Variants in ATP10D observed in about 807,000 individuals in gnomAD.
The protein encoded by ATP10D is ATPase phospholipid transporting 10D (putative), also known as phospholipid-transporting ATPase VD.
Under a neutral mutation model 144.8 loss-of-function variants are expected in ATP10D, and 89 were observed. The ratio of observed to expected loss-of-function variants is 0.61; its 90% CI spans 0.52 to 0.73. The LOEUF (loss-of-function observed/expected upper bound fraction) is 0.73. Among genes scored for constraint, ATP10D ranks in the 30% least tolerant of loss-of-function variants. The pLI, the probability that ATP10D is intolerant of heterozygous loss-of-function variation, is 0.00. For synonymous variants in ATP10D, 571 were observed against 615.1 expected (o/e 0.93, Z 1.06); for missense variants, 1,603 against 1,714.8 (o/e 0.93, Z 1.15).
Position 47,558,085 on chromosome 4 carries a change from C to T in ATP10D, c.2246C>T (p.Pro749Leu). 1 of 1,614,198 alleles carries T rather than the reference C, an allele frequency of 6.2e-7. No individual in the cohort carries two copies. Among genetic ancestry groups the T allele is most frequent in the Non-Finnish European group, 8.5e-7 (1 of 1,180,030 alleles). ...AYQCTLRSRT[P>L]EQVMVDFAAL... ...CAATGCACTTTACGGTCTCGGACACCAGAGCAGGTCATGGTGGACTTTGCT... is the reference window on the plus strand; with the variant it reads ...CAATGCACTTTACGGTCTCGGACACTAGAGCAGGTCATGGTGGACTTTGCT... Residue 749 changes from proline (P) to leucine (L), a missense_variant, in exon 12 of 23, where the codon CCA becomes CTA. Physicochemically the swap from Pro to Leu is moderately conservative, Grantham distance 98 (BLOSUM62 -3). Transcript: ENST00000273859.
intron 15 of ATP10D, among the ~76,000 whole-genome samples, chr4:47,567,913 C>T (rs1016615232): frequency 3.3e-5 from 5 of 152,194 alleles, no homozygotes; most frequent in African/African-American, 9.6e-5. Context: ...AGCTCTTTCA[C>T]GAATAAACTA....
chr4:47,520,788 C>A (rs897956943), intron 3 of ATP10D, among the ~76,000 whole-genome samples: 1 of 152,116 alleles, frequency 6.6e-6, no homozygotes, highest in African/African-American at 2.4e-5. Context: ...AGAATGGTCT[C>A]AATCTTCTGA....
chr4:47,570,990 C>T (rs1288021680), intron 16 of ATP10D, among the ~76,000 whole-genome samples: 2 of 152,034 alleles, frequency 1.3e-5, no homozygotes, highest in African/African-American at 4.8e-5. Context: ...CTCTGGACTG[C>T]TTCCAGTCTC....
intron 9 of ATP10D, 104 bp from the exon 10 acceptor site, chr4:47,546,520 G>T: frequency 1.9e-6 from 2 of 1,031,824 alleles, no homozygotes; most frequent in Non-Finnish European, 3.0e-6. Context: ...AGGTTTGAAA[G>T]GGGAGGAGAT....
At chr4:47,491,952 A>G (rs149921167) in intron 1 of ATP10D, among the ~76,000 whole-genome samples, 2 of 152,272 alleles carry the variant, frequency 1.3e-5, no homozygotes, top group African/African-American at 4.8e-5. Flanking sequence ...GGGCTAGTTT[A>G]TTCATTCCCA....
chr4:47,580,481 G>A lies in ATP10D; in HGVS notation c.3648+3G>A. ...TCTGCTTCTTTGTGCCTTATTTTGT[G>A]AGTCTTTGTTCACTCAGTATATTTG... On this transcript the variant is annotated splice_donor_region_variant and intron_variant, in intron 20 of 22. Transcript: ENST00000273859. 6.2e-7 allele frequency: 1 copy of A among 1,607,850 alleles called. No homozygotes were observed. Among genetic ancestry groups the A allele is most frequent in the Non-Finnish European group, 8.5e-7 (1 of 1,174,492 alleles).
At chr4:47,509,965 TGTG>T (rs1716234255) in intron 1 of ATP10D, among the ~76,000 whole-genome samples, 1 of 151,392 alleles carries the variant, frequency 6.6e-6, no homozygotes, top group Non-Finnish European at 1.5e-5. Flanking sequence ...TGTGTGTGTG[TGTG>T]TGTGTGTGTG....
Position 47,580,433 on chromosome 4 carries a change from G to A in ATP10D, c.3603G>A (p.Leu1201=). Residue 1201 remains leucine, a synonymous_variant, in exon 20 of 23, where the codon TTG becomes TTA. Coordinates refer to ENST00000273859, the MANE Select transcript of ATP10D (RefSeq NM_020453.4). ...YLPHTFWITL[L]DAFYQSLVCF... ...CCCATACCTTCTGGATCACCTTATT[G>A]GATGCTTTTTATCAAAGCCTGGTCT... The A allele has an allele frequency of 6.2e-7, 1 of 1,613,602 alleles. No homozygotes were observed. Among genetic ancestry groups the A allele is most frequent in the Non-Finnish European group, 8.5e-7 (1 of 1,179,754 alleles).
chr4:47,565,145 A>G (rs1291741597), intron 15 of ATP10D, among the ~76,000 whole-genome samples: 1 of 152,088 alleles, frequency 6.6e-6, no homozygotes, highest in Non-Finnish European at 1.5e-5. Flanking sequence ...TATTTTTAGT[A>G]GAGACGGGGT....
At chr4:47,581,889 G>T in intron 20 of ATP10D, 71 bp from the exon 21 acceptor site, 1 of 1,214,602 alleles carries the variant, frequency 8.2e-7, no homozygotes, top group South Asian at 1.2e-5. Flanking sequence ...TGGTTGAGCT[G>T]TAGATAAAGT....
At position 47,535,832 on chromosome 4, in the gene ATP10D, T is replaced by C. The variant is rs866994068; in HGVS notation, c.884-70T>C. The C allele has an allele frequency of 5.0e-5, 75 of 1,511,118 alleles. 1 individual carries two copies. The Middle Eastern group carries it at 2.8e-3, about 56-fold the overall frequency. 93.6% of individuals were successfully genotyped at this position (1,511,118 alleles called of 1,614,324 possible). A position where few individuals can be genotyped will look rare whatever the true frequency, so the allele number is the denominator to read the frequency against. On this transcript the variant is annotated intron_variant, in intron 6 of 22. Transcript: ENST00000273859. ...TTTATTAAATTGTCTGCAAGAGAGA[T>C]TTTTAAATATGGTATTCGCTTCTTG...
intron 14 of ATP10D, among the ~76,000 whole-genome samples, chr4:47,562,905 T>G (rs1460605687): frequency 6.6e-6 from 1 of 152,040 alleles, no homozygotes; most frequent in Non-Finnish European, 1.5e-5. Flanking sequence ...AGAATGAAAT[T>G]GTGTCTTTTG....
chr4:47,534,188 A>G (rs1717709045), intron 5 of ATP10D, among the ~76,000 whole-genome samples: 1 of 152,106 alleles, frequency 6.6e-6, no homozygotes, highest in Non-Finnish European at 1.5e-5. Context: ...CTTCCCCTCC[A>G]TCGTTCATTT....
At chr4:47,581,684 C>A (rs1452855860) in intron 20 of ATP10D, among the ~76,000 whole-genome samples, 2 of 152,074 alleles carry the variant, frequency 1.3e-5, no homozygotes, top group Non-Finnish European at 2.9e-5. Context: ...TTTCTCTATA[C>A]CTTAAAAAGC....
At chr4:47,491,494 C>A (rs185689828) in intron 1 of ATP10D, 1 of 635,370 alleles carries the variant, frequency 1.6e-6, no homozygotes, top group South Asian at 1.6e-5. Context: ...GTGGTTCTGG[C>A]CAAAAGGAAG....
intron 3 of ATP10D, among the ~76,000 whole-genome samples, chr4:47,517,006 T>A (rs527282389): frequency 8.5e-4 from 129 of 152,354 alleles, no homozygotes; most frequent in African/African-American, 3.0e-3. Context: ...ACAATGATTA[T>A]GTGATGAACA....
intron 9 of ATP10D, among the ~76,000 whole-genome samples, chr4:47,542,217 C>T (rs186057770): frequency 3.2e-4 from 48 of 152,112 alleles, no homozygotes; most frequent in Middle Eastern, 3.4e-3. Context: ...CCACCTTAGC[C>T]TCACAAGTAG....
At chr4:47,559,743 C>T (rs1312464308) in intron 13 of ATP10D, among the ~76,000 whole-genome samples, 1 of 152,158 alleles carries the variant, frequency 6.6e-6, no homozygotes, top group Non-Finnish European at 1.5e-5. Context: ...GGCACAGTAG[C>T]TCACGCCTGT....
At chr4:47,535,250 A>G (rs4621400) in intron 5 of ATP10D, among the ~76,000 whole-genome samples, 91,731 of 151,140 alleles carry the variant, frequency 0.61, 28,827 homozygotes, top group East Asian at 0.84. Context: ...TCTGTACACC[A>G]AAGCCCTGCA....
Sources: allele counts gnomAD v4.1 joint callset (sites outside exome capture counted in the v4.1 genomes callset), GRCh38; gene constraint gnomAD v4.1.1; transcripts MANE v1.5; gene names NCBI Gene and HGNC (gene_info 2026-07-23, HGNC 2026-07-21).